Variants in CUBN observed in about 807,000 individuals in gnomAD.
The protein encoded by CUBN is 460 kDa receptor.
Under a neutral mutation model 405.3 loss-of-function variants are expected in CUBN, and 282 were observed. That is an observed-to-expected ratio of 0.70 (90% CI 0.63 to 0.77). The LOEUF (loss-of-function observed/expected upper bound fraction) is 0.77. CUBN is among the 30% of genes least tolerant of loss of function. The probability of loss-of-function intolerance (pLI) is 0.00; values close to 1 mark genes in which losing one functional copy is unlikely to be tolerated. For missense variants in CUBN, 4,514 were observed against 4,475.2 expected (o/e 1.01, Z -0.25); for synonymous variants, 1,684 against 1,617.0 (o/e 1.04, Z -0.99).
chr10:17,003,860 A>T (rs1280834029), intron 28 of CUBN, among the ~76,000 whole-genome samples: 2 of 152,182 alleles, frequency 1.3e-5, no homozygotes, highest in Admixed American at 6.5e-5. Context: ...TGCCTCTGTC[A>T]CTGTGATCTA....
intron 31 of CUBN, among the ~76,000 whole-genome samples, chr10:16,979,827 C>T (rs1833212162): frequency 6.6e-6 from 1 of 152,040 alleles, no homozygotes; most frequent in South Asian, 2.1e-4. Flanking sequence ...GTAACAAAAG[C>T]CAAAATTAAC....
intron 40 of CUBN, among the ~76,000 whole-genome samples, chr10:16,928,510 C>A (rs1341143818): frequency 7.4e-6 from 1 of 135,582 alleles, no homozygotes. Flanking sequence ...TTTTCTTTAC[C>A]CCCACCCCAC....
intron 28 of CUBN, among the ~76,000 whole-genome samples, chr10:16,996,124 TCCTGTC>T (rs57696788): frequency 0.026 from 3,936 of 152,198 alleles, 162 homozygotes; most frequent in African/African-American, 0.09. Flanking sequence ...CTCATTACTG[TCCTGTC>T]CCTCCACTGA....
intron 4 of CUBN, 25 bp from the exon 5 acceptor site, chr10:17,123,714 T>A (rs916596927): frequency 2.2e-5 from 33 of 1,533,366 alleles, no homozygotes; most frequent in Non-Finnish European, 3.0e-5. Context: ...GGACAGTCAA[T>A]GAGATGACTT....
intron 56 of CUBN, among the ~76,000 whole-genome samples, chr10:16,887,171 T>C (rs1417573898): frequency 6.6e-6 from 1 of 152,228 alleles, no homozygotes; most frequent in Non-Finnish European, 1.5e-5. Context: ...CTCTCACTGG[T>C]TTGGTTAATA....
intron 7 of CUBN, among the ~76,000 whole-genome samples, chr10:17,115,101 A>G (rs935087310): frequency 1.3e-5 from 2 of 152,040 alleles, no homozygotes; most frequent in Admixed American, 6.6e-5. Flanking sequence ...AAAATTAGCC[A>G]GGCATGTTGG....
At position 17,045,179 on chromosome 10, in the gene CUBN, C is replaced by T. The variant is rs773892336; in HGVS notation, c.3500G>A (p.Gly1167Asp). The part of the protein sequence containing the change: ...YWDGSSTGCG[G>D]NLTTSSGTFI... ...CGTGCCGCTTGAAGTGGTGAGATTA[C>T]CCCCGCAACCTACAGGAGAAAGAAG... Residue 1167 changes from glycine to aspartate, a missense_variant, in exon 25 of 67, where the codon GGT (glycine) becomes GAT (aspartate). Around this residue, in one of 5 missense-constraint regions of CUBN, gnomAD observed 242 missense variants for 309.0 expected, o/e 0.78. Transcript: ENST00000377833. 2.5e-6 allele frequency: 4 copies of T among 1,613,516 alleles called. No individual in the cohort carries two copies. Among genetic ancestry groups the T allele is most frequent in the East Asian group, 2.2e-5 (1 of 44,854 alleles).
At chr10:16,850,747 A>G (rs1018886384) in intron 60 of CUBN, among the ~76,000 whole-genome samples, 5 of 152,258 alleles carry the variant, frequency 3.3e-5, no homozygotes, top group Non-Finnish European at 7.3e-5. Flanking sequence ...TGCTGGAATT[A>G]CAGGCATGAG....
chr10:17,103,274 T>A, intron 12 of CUBN, 37 bp from the exon 13 acceptor site: 1 of 1,331,204 alleles, frequency 7.5e-7, no homozygotes, highest in Non-Finnish European at 1.1e-6. Flanking sequence ...TTTCAGAGGT[T>A]CCTAAAAGGA....
chr10:16,978,703 G>T (rs1324317688), intron 31 of CUBN, among the ~76,000 whole-genome samples: 1 of 152,120 alleles, frequency 6.6e-6, no homozygotes, highest in Non-Finnish European at 1.5e-5. Context: ...AAGAGAATCT[G>T]GTTTGTATTT....
Position 16,865,234 on chromosome 10 carries a change from T to A in CUBN, c.9454+4402A>T, listed in dbSNP as rs149552322. Among the ~76,000 whole-genome samples, 1,021 of 152,150 alleles carry A rather than the reference T, an allele frequency of 6.7e-3. 12 individuals are homozygous for A. The highest frequency in any genetic ancestry group is 0.024 in the African/African-American group (981 of 41,514). Reference sequence around the variant, plus strand: ...ATCTGCCTGCCTCAGCCTCCTAAAGTGCCAGTATTACAGGCGTGAGCCACC... The same window carrying A: ...ATCTGCCTGCCTCAGCCTCCTAAAGAGCCAGTATTACAGGCGTGAGCCACC... On this transcript the variant is annotated intron_variant, in intron 59 of 66. Coordinates refer to ENST00000377833, the MANE Select transcript of CUBN (RefSeq NM_001081.4).
In CUBN at chr10:16,828,997, G is replaced by T. The variant is rs371680498; in HGVS notation, c.10572C>A (p.Ser3524Arg). Residue 3524 changes from serine (S) to arginine (R), a missense_variant, in exon 66 of 67, where the codon AGC (serine) becomes AGA (arginine). Transcript: ENST00000377833. The stretch of plus-strand genomic sequence containing the variant: ...TTGGGTATGTGCCTGGATAGCCGGG[G>T]CTGGTGAATGAGCCTCTGTCTCCAT... ...TLYGDRGSFT[S>R]PGYPGTYPNN... 1.9e-6 allele frequency: 3 copies of T among 1,614,034 alleles called. No individual in the cohort carries two copies. In the Admixed American group the frequency reaches 5.0e-5, roughly 27 times the overall value.
intron 55 of CUBN, among the ~76,000 whole-genome samples, chr10:16,889,373 C>T (rs1840923361): frequency 6.6e-6 from 1 of 152,172 alleles, no homozygotes; most frequent in African/African-American, 2.4e-5. Flanking sequence ...TTCCTTTCCT[C>T]AAACTTTTCC....
chr10:16,825,628 A>AGTGTGTGTGTGTGTGTGTGT (rs377156071), intron 66 of CUBN, among the ~76,000 whole-genome samples: 25 of 135,926 alleles, frequency 1.8e-4, no homozygotes, highest in African/African-American at 3.0e-4. Flanking sequence ...TCTGTGGAAC[A>AGTGTGTGTGTGTGTGTGTGT]GTGTGTGTGT....
chr10:16,898,847 C>G lies in CUBN; in HGVS notation c.8598+149G>C, dbSNP rs45619139. 61,354 of 683,108 alleles carry G rather than the reference C, an allele frequency of 0.09. 3,206 individuals carry two copies. Among genetic ancestry groups the G allele is most frequent in the South Asian group, 0.12 (7,373 of 60,326 alleles). 42.3% of individuals were successfully genotyped at this position (683,108 alleles called of 1,614,324 possible). ...AAAGAAAAGAAATTCTAGCTCCTAA[C>G]AGTTGAGGTTTCTCACTTTCTCACT... On this transcript the variant is annotated intron_variant, in intron 54 of 66. Coordinates refer to ENST00000377833, the MANE Select transcript of CUBN (RefSeq NM_001081.4).
At chr10:16,953,965 GTGACTCCTCAGT>G (rs1294965492) in intron 32 of CUBN, among the ~76,000 whole-genome samples, 1 of 152,028 alleles carries the variant, frequency 6.6e-6, no homozygotes, top group Non-Finnish European at 1.5e-5. Context: ...GAAAACAACA[GTGACTCCTCAGT>G]TGGACAATGG....
intron 28 of CUBN, among the ~76,000 whole-genome samples, chr10:16,999,041 T>A (rs528871064): frequency 6.6e-6 from 1 of 152,206 alleles, no homozygotes; most frequent in Non-Finnish European, 1.5e-5. Context: ...ATGGTAGAGA[T>A]ACAATAAAAA....
rs1182910162 is a variant in CUBN at position 16,982,539 on chromosome 10, C to T, written c.4640G>A (p.Arg1547His). Residue 1547 changes from arginine (R) to histidine (H), a missense_variant, in exon 31 of 67, where the codon CGT becomes CAT. Around this residue, in one of 5 missense-constraint regions of CUBN, gnomAD observed 1,613 missense variants for 1,542.8 expected, o/e 1.05. Coordinates refer to ENST00000377833, the MANE Select transcript of CUBN (RefSeq NM_001081.4). ...AAAGTCAGTGAAGTTCAAGAGAACA[C>T]GATGATTTCTGTCAACCCGAATGAC... ...SWVIRVDRNH[R>H]VLLNFTDFDL... 7 of 1,613,754 alleles carry T rather than the reference C, an allele frequency of 4.3e-6. No individual in the cohort carries two copies. The highest frequency in any genetic ancestry group is 1.7e-4 in the Middle Eastern group (1 of 6,058).
chr10:16,976,416 G>T (rs1833097080), intron 31 of CUBN, among the ~76,000 whole-genome samples: 1 of 151,820 alleles, frequency 6.6e-6, no homozygotes, highest in Non-Finnish European at 1.5e-5. Context: ...TCAGCATTTA[G>T]TCTCTACTTT....
Sources: gnomAD v4.1 joint callset for allele counts (sites outside exome capture counted in the v4.1 genomes callset) on GRCh38, gnomAD v4.1.1 for gene constraint, gnomAD v4.1.1 regional missense constraint, MANE v1.5 for transcripts, NCBI Gene and HGNC (gene_info 2026-07-23, HGNC 2026-07-21) for gene names.